PTPRO: variants seen among roughly 807,000 people sequenced by gnomAD.
The protein encoded by PTPRO is protein tyrosine phosphatase receptor type O, also known as receptor-type tyrosine-protein phosphatase O.
Under a neutral mutation model 145.2 loss-of-function variants are expected in PTPRO, and 62 were observed. That is an observed-to-expected ratio of 0.43 (90% CI 0.35 to 0.53). The LOEUF (loss-of-function observed/expected upper bound fraction) is 0.53, where lower values mean the gene tolerates loss of function less well. Ranked by LOEUF, PTPRO falls within the 20% of genes least tolerant of loss-of-function variation. The pLI is 0.01. For synonymous variants in PTPRO, 565 were observed against 514.7 expected (o/e 1.10, Z -1.32); for missense variants, 1,345 against 1,482.7 (o/e 0.91, Z 1.53).
chr12:15,386,655 T>G lies in PTPRO; in HGVS notation c.75+63854T>G, dbSNP rs980211163. Reference sequence around the variant, plus strand: ...TGAAGATGCACTGTATAATATAGGTTTTCCATATAAAGGTGAAAAAATATT... The same window carrying G: ...TGAAGATGCACTGTATAATATAGGTGTTCCATATAAAGGTGAAAAAATATT... On this transcript the variant is annotated intron_variant, in intron 1 of 26. Coordinates refer to ENST00000281171, the MANE Select transcript of PTPRO (RefSeq NM_030667.3). Among the ~76,000 whole-genome samples, 164 of 152,284 alleles carry G rather than the reference T, an allele frequency of 1.1e-3. 1 individual carries two copies. The highest frequency in any genetic ancestry group is 2.2e-4 in the Non-Finnish European group (15 of 68,022).
chr12:15,405,414 G>T (rs183921535), intron 1 of PTPRO, among the ~76,000 whole-genome samples: 81 of 152,288 alleles, frequency 5.3e-4, no homozygotes, highest in African/African-American at 1.9e-3. Context: ...TATCATTTCA[G>T]TGTGGTGACA....
intron 1 of PTPRO, among the ~76,000 whole-genome samples, chr12:15,454,934 G>A (rs549888385): frequency 2.0e-5 from 3 of 151,880 alleles, no homozygotes; most frequent in South Asian, 2.1e-4. Flanking sequence ...CTCTTCCATC[G>A]GTCTATATGT....
At chr12:15,437,644 C>T (rs1940635436) in intron 1 of PTPRO, among the ~76,000 whole-genome samples, 1 of 152,056 alleles carries the variant, frequency 6.6e-6, no homozygotes, top group Admixed American at 6.5e-5. Context: ...CCCTTCTGTT[C>T]GTAGATATTG....
intron 1 of PTPRO, among the ~76,000 whole-genome samples, chr12:15,467,723 G>C (rs1160786457): frequency 6.6e-6 from 1 of 152,044 alleles, no homozygotes; most frequent in East Asian, 1.9e-4. Context: ...TTGTTAATTT[G>C]GTGTAAACAT....
intron 5 of PTPRO, among the ~76,000 whole-genome samples, chr12:15,503,251 T>C (rs1057161315): frequency 9.2e-5 from 14 of 152,120 alleles, no homozygotes; most frequent in African/African-American, 3.4e-4. Context: ...AGTGTCTTCT[T>C]TTGAAGGCTG....
intron 5 of PTPRO, among the ~76,000 whole-genome samples, chr12:15,503,693 G>A (rs1942264818): frequency 6.6e-6 from 1 of 152,054 alleles, no homozygotes; most frequent in Admixed American, 6.6e-5. Context: ...TGATTTGAAT[G>A]CCGTATTTGA....
chr12:15,502,532 G>A (rs892855333), intron 5 of PTPRO, among the ~76,000 whole-genome samples: 2 of 152,152 alleles, frequency 1.3e-5, no homozygotes, highest in African/African-American at 4.8e-5. Context: ...CTAACCAGCC[G>A]CTCTTGTTCC....
Position 15,513,089 on chromosome 12 carries a change from AAAGAAGAAAGAAAGAAAGAAAGGAAGG to A in PTPRO, c.1465-2405_1465-2379del, listed in dbSNP as rs1942477403. Among the ~76,000 whole-genome samples the A allele has an allele frequency of 5.2e-5, 2 of 38,514 alleles. 1 individual carries two copies. Among genetic ancestry groups the A allele is most frequent in the South Asian group, 1.7e-3 (2 of 1,158 alleles). 25.3% of individuals were successfully genotyped at this position (38,514 alleles called of 152,430 possible). On this transcript the variant is annotated intron_variant, in intron 7 of 26. Coordinates refer to ENST00000281171, the MANE Select transcript of PTPRO (RefSeq NM_030667.3). ...GAAAGAAGGAAAGAAAGAAAGAAAG[AAAGAAGAAAGAAAGAAAGAAAGGAAGG>A]AAGGAAGGAAGGAAGGAAGGAAGGA...
chr12:15,395,845 G>T (rs936565502), intron 1 of PTPRO, among the ~76,000 whole-genome samples: 4 of 150,654 alleles, frequency 2.7e-5, no homozygotes, highest in African/African-American at 9.7e-5. Context: ...ACACACTGAT[G>T]ATGGAAACTC....
At chr12:15,335,667 A>T (rs1379499676) in intron 1 of PTPRO, among the ~76,000 whole-genome samples, 7 of 152,170 alleles carry the variant, frequency 4.6e-5, no homozygotes, top group Non-Finnish European at 1.0e-4. Context: ...TCATTCTAAA[A>T]ACTTAGTTTA....
chr12:15,560,606 C>T (rs1943749221), intron 17 of PTPRO, among the ~76,000 whole-genome samples: 1 of 151,962 alleles, frequency 6.6e-6, no homozygotes, highest in Non-Finnish European at 1.5e-5. Context: ...CATTAGAGAG[C>T]TCCAAATTTC....
At chr12:15,535,278 A>G (rs1050070813) in intron 12 of PTPRO, among the ~76,000 whole-genome samples, 4 of 152,204 alleles carry the variant, frequency 2.6e-5, no homozygotes, top group African/African-American at 9.6e-5. Flanking sequence ...TGTCTGGATG[A>G]AATCACCAAG....
At chr12:15,397,607 G>A (rs1050344697) in intron 1 of PTPRO, among the ~76,000 whole-genome samples, 3 of 152,160 alleles carry the variant, frequency 2.0e-5, no homozygotes, top group Non-Finnish European at 2.9e-5. Flanking sequence ...GTGCTGGCCC[G>A]TGGAAGTCTC....
intron 12 of PTPRO, among the ~76,000 whole-genome samples, chr12:15,540,898 G>T (rs1472760534): frequency 6.6e-6 from 1 of 152,176 alleles, no homozygotes; most frequent in East Asian, 1.9e-4. Flanking sequence ...AATTAGATTG[G>T]ATTCTCAGTC....
chr12:15,592,983 T>A (rs1215736291), intron 25 of PTPRO, among the ~76,000 whole-genome samples: 4 of 152,228 alleles, frequency 2.6e-5, no homozygotes, highest in Non-Finnish European at 5.9e-5. Context: ...TTATTTACTT[T>A]TCTTGTGGTC....
chr12:15,513,110 AG>A (rs1259235599), intron 7 of PTPRO, among the ~76,000 whole-genome samples: 2,717 of 7,658 alleles, frequency 0.35, 350 homozygotes, highest in South Asian at 0.49. Context: ...AAAGAAAGAA[AG>A]GAAGGAAGGA....
At chr12:15,434,519 T>A (rs1472589394) in intron 1 of PTPRO, among the ~76,000 whole-genome samples, 1 of 152,240 alleles carries the variant, frequency 6.6e-6, no homozygotes, top group Non-Finnish European at 1.5e-5. Flanking sequence ...ACAAATCCAC[T>A]TGGCCATTAA....
At chr12:15,522,376 C>T (rs1185826970) in intron 10 of PTPRO, among the ~76,000 whole-genome samples, 6 of 151,716 alleles carry the variant, frequency 4.0e-5, no homozygotes, top group African/African-American at 7.3e-5. Context: ...TTTTAAGCCC[C>T]GCATACATTA....
chr12:15,475,773 C>A (rs1941639627), intron 1 of PTPRO, among the ~76,000 whole-genome samples: 1 of 152,116 alleles, frequency 6.6e-6, no homozygotes, highest in Admixed American at 6.5e-5. Flanking sequence ...AAACTTGCAG[C>A]TCTGGAGGCA....
Sources: allele counts gnomAD v4.1 joint callset (sites outside exome capture counted in the v4.1 genomes callset), GRCh38; gene constraint gnomAD v4.1.1; transcripts MANE v1.5; gene names NCBI Gene and HGNC (gene_info 2026-07-23, HGNC 2026-07-21).